MCTP1: variants seen among roughly 807,000 people sequenced by gnomAD.
MCTP1 encodes the protein multiple C2 and transmembrane domain-containing protein 1.
MCTP1 carries 69 observed loss-of-function variants against 120.6 expected under a neutral mutation model. That is an observed-to-expected ratio of 0.57 (90% CI 0.47 to 0.70). MCTP1 has a LOEUF of 0.70. Among genes scored for constraint, MCTP1 ranks in the 30% least tolerant of loss-of-function variants. The pLI, the probability that MCTP1 is intolerant of heterozygous loss-of-function variation, is 0.00. For missense variants in MCTP1, 1,203 were observed against 1,248.8 expected, an observed-to-expected ratio of 0.96 and a Z score of 0.55; for synonymous variants, 529 against 493.1, an observed-to-expected ratio of 1.07 and a Z score of -0.96.
At chr5:95,276,767 A>G (rs111643837) in intron 1 of MCTP1, among the ~76,000 whole-genome samples, 1,738 of 150,978 alleles carry the variant, frequency 0.012, 35 homozygotes, top group African/African-American at 0.039. Flanking sequence ...CCTGGCTAAC[A>G]TGGTGAAACC....
intron 1 of MCTP1, among the ~76,000 whole-genome samples, chr5:95,086,832 G>A (rs1467931555): frequency 6.6e-6 from 1 of 152,050 alleles, no homozygotes; most frequent in Non-Finnish European, 1.5e-5. Context: ...CCTAACAAAT[G>A]GTGCATATAC....
At chr5:94,899,136 A>G (rs1464604181) in intron 10 of MCTP1, among the ~76,000 whole-genome samples, 2 of 152,224 alleles carry the variant, frequency 1.3e-5, no homozygotes, top group Admixed American at 6.5e-5. Context: ...TATGGGTGGC[A>G]GTGTGAGAAA....
chr5:95,219,165 C>A (rs909304731), intron 1 of MCTP1, among the ~76,000 whole-genome samples: 3 of 151,888 alleles, frequency 2.0e-5, no homozygotes, highest in Non-Finnish European at 2.9e-5. Flanking sequence ...GTGGATCATG[C>A]GGTCAGGAGA....
intron 1 of MCTP1, among the ~76,000 whole-genome samples, chr5:95,180,952 G>C (rs1230612907): frequency 6.6e-6 from 1 of 151,674 alleles, no homozygotes; most frequent in Non-Finnish European, 1.5e-5. Flanking sequence ...GCTCAGTTTG[G>C]TCTTCAGGAT....
intron 1 of MCTP1, among the ~76,000 whole-genome samples, chr5:95,165,894 T>C (rs1746283638): frequency 6.6e-6 from 1 of 152,220 alleles, no homozygotes; most frequent in African/African-American, 2.4e-5. Flanking sequence ...TGACCTACTG[T>C]TTGATATGCC....
intron 1 of MCTP1, among the ~76,000 whole-genome samples, chr5:95,219,216 C>T (rs781007639): frequency 6.6e-6 from 1 of 151,792 alleles, no homozygotes; most frequent in Non-Finnish European, 1.5e-5. Flanking sequence ...CCCGTCTCTA[C>T]TAAAAAATAC....
chr5:95,071,828 C>T (rs1377794997), intron 1 of MCTP1, among the ~76,000 whole-genome samples: 1 of 152,124 alleles, frequency 6.6e-6, no homozygotes, highest in Non-Finnish European at 1.5e-5. Context: ...TTAAATACAA[C>T]TTACCACTGA....
chr5:95,202,500 C>A (rs1751177333), intron 1 of MCTP1, among the ~76,000 whole-genome samples: 1 of 152,214 alleles, frequency 6.6e-6, no homozygotes, highest in Non-Finnish European at 1.5e-5. Flanking sequence ...ATTTATTGAT[C>A]TGTCTCCTAT....
At chr5:94,946,834 G>T (rs868336298) in intron 3 of MCTP1, among the ~76,000 whole-genome samples, 1 of 152,166 alleles carries the variant, frequency 6.6e-6, no homozygotes, top group African/African-American at 2.4e-5. Flanking sequence ...TTAAATCCAT[G>T]TTCGGCATCC....
chr5:95,227,348 T>C (rs1318609266), intron 1 of MCTP1, among the ~76,000 whole-genome samples: 2 of 152,226 alleles, frequency 1.3e-5, no homozygotes, highest in Admixed American at 6.5e-5. Flanking sequence ...GCTTGGGATG[T>C]GTGTAGTTGT....
intron 1 of MCTP1, among the ~76,000 whole-genome samples, chr5:95,077,533 C>T (rs977812318): frequency 2.0e-4 from 31 of 151,728 alleles, no homozygotes; most frequent in African/African-American, 6.5e-4. Context: ...AGTGCAGTGG[C>T]GCAATCTCGG....
intron 19 of MCTP1, among the ~76,000 whole-genome samples, chr5:94,759,958 T>C (rs1770929056): frequency 7.0e-6 from 1 of 143,824 alleles, no homozygotes; most frequent in Non-Finnish European, 1.5e-5. Flanking sequence ...TTAGCAACCA[T>C]TTTACTGTTG....
rs1243969943 is a variant in MCTP1 at position 94,704,312 on chromosome 5, TCTTTA to T, written c.*3179_*3183del. On this transcript the variant is annotated 3_prime_UTR_variant, in exon 23 of 23. Coordinates refer to ENST00000515393, the MANE Select transcript of MCTP1 (RefSeq NM_024717.7). ...TTTTCAAGAAGTATAATGGTAGCTG[TCTTTA>T]CTTGTATTTCTGGAGCAAAAAGGTA... 1 of 151,596 alleles carries T rather than the reference TCTTTA, an allele frequency of 6.6e-6. No individual in the cohort carries two copies. Among genetic ancestry groups the T allele is most frequent in the Non-Finnish European group, 1.5e-5 (1 of 67,682 alleles). 9.4% of individuals were successfully genotyped at this position (151,596 alleles called of 1,614,324 possible).
At chr5:94,975,621 A>G (rs1204948875) in intron 2 of MCTP1, among the ~76,000 whole-genome samples, 1 of 151,696 alleles carries the variant, frequency 6.6e-6, no homozygotes, top group African/African-American at 2.4e-5. Context: ...ATCATACAAA[A>G]TTTTCTTTGT....
At chr5:95,147,565 A>G (rs1488884473) in intron 1 of MCTP1, among the ~76,000 whole-genome samples, 1 of 152,090 alleles carries the variant, frequency 6.6e-6, no homozygotes, top group Admixed American at 6.6e-5. Flanking sequence ...ATCTTTCTCC[A>G]TCTCATTACT....
At chr5:95,186,165 G>GA (rs940023830) in intron 1 of MCTP1, among the ~76,000 whole-genome samples, 17 of 139,030 alleles carry the variant, frequency 1.2e-4, no homozygotes, top group East Asian at 6.3e-4. Context: ...GCAAGAGAAA[G>GA]AAAAAAAAAG....
chr5:94,847,682 G>GTGTGTATATA (rs1169588105), intron 17 of MCTP1, among the ~76,000 whole-genome samples: 11 of 102,398 alleles, frequency 1.1e-4, no homozygotes, highest in African/African-American at 3.8e-4. Context: ...GTGTGTGTGT[G>GTGTGTATATA]TATATATATA....
intron 1 of MCTP1, among the ~76,000 whole-genome samples, chr5:95,078,120 A>G (rs1430711286): frequency 6.6e-6 from 1 of 151,936 alleles, no homozygotes; most frequent in Non-Finnish European, 1.5e-5. Context: ...CAAGAATTTC[A>G]AAGATAATTT....
rs562089719 is a variant in MCTP1 at position 95,043,155 on chromosome 5, A to G, written c.721-25671T>C. On this transcript the variant is annotated intron_variant, in intron 1 of 22. Coordinates refer to ENST00000515393, the MANE Select transcript of MCTP1 (RefSeq NM_024717.7). ...ACAGCTGCCAAGAACATATTATCAG[A>G]TATTTATAATAAGTCAGTCTTCCAC... 5.6e-4 allele frequency among the ~76,000 whole-genome samples: 86 copies of G among 152,342 alleles called. No homozygotes were observed. The Middle Eastern group carries it at 0.017, about 30-fold the overall frequency.
Sources: gnomAD v4.1 joint callset for allele counts (sites outside exome capture counted in the v4.1 genomes callset) on GRCh38, gnomAD v4.1.1 for gene constraint, MANE v1.5 for transcripts, NCBI Gene and HGNC (gene_info 2026-07-23, HGNC 2026-07-21) for gene names.